Variants in MYO7B observed in about 807,000 individuals in gnomAD.
The protein encoded by MYO7B is unconventional myosin-VIIb.
In MYO7B, 212 loss-of-function variants were observed where a neutral mutation model predicts 259.7. The observed-to-expected ratio is 0.82, with a 90% confidence interval of 0.73 to 0.91. The LOEUF (loss-of-function observed/expected upper bound fraction) is 0.91. MYO7B is among the 40% of genes least tolerant of loss of function. The pLI is 0.00. For synonymous variants in MYO7B, 1,197 were observed against 1,166.4 expected (o/e 1.03, Z -0.54); for missense variants, 2,732 against 2,813.5 (o/e 0.97, Z 0.66).
In MYO7B at chr2:127,629,825, T is replaced by C. The variant is rs775389681; in HGVS notation, c.4805T>C (p.Leu1602Pro). The change falls in exon 35 of 48, where the codon CTG (leucine) becomes CCG (proline). Residue 1602 changes from leucine to proline, a missense_variant and splice_region_variant. Transcript: ENST00000409816. ...GTCACTAAGCCCTCGGCACAGCTGC[T>C]GGTAACTGGCACGCTCCCCTGTCCT... Reference protein sequence around the residue: ...PTVTKPSAQLLSLLAMSPEKR... With the variant: ...PTVTKPSAQLPSLLAMSPEKR... 2 of 1,556,718 alleles carry C rather than the reference T, an allele frequency of 1.3e-6. No individual in the cohort carries two copies. Among genetic ancestry groups the C allele is most frequent in the Admixed American group, 3.7e-5 (2 of 53,684 alleles).
intron 19 of MYO7B, among the ~76,000 whole-genome samples, chr2:127,601,292 G>A (rs988583949): frequency 1.3e-5 from 2 of 152,172 alleles, no homozygotes; most frequent in African/African-American, 4.8e-5. Context: ...CATATATTTT[G>A]CTGTTAATTC....
At chr2:127,622,370 A>G (rs575538248) in intron 28 of MYO7B, among the ~76,000 whole-genome samples, 3 of 152,246 alleles carry the variant, frequency 2.0e-5, no homozygotes, top group African/African-American at 7.2e-5. Flanking sequence ...TTAGCATTAC[A>G]GTGCGCCAGT....
intron 26 of MYO7B, 73 bp from the exon 27 acceptor site, chr2:127,620,267 T>C (rs77159371): frequency 0.12 from 180,572 of 1,530,226 alleles, 11,994 homozygotes; most frequent in Middle Eastern, 0.17. Flanking sequence ...ACAAGAGCTG[T>C]GTGCCCAGGT....
chr2:127,592,251 C>T (rs1013451390), intron 16 of MYO7B, among the ~76,000 whole-genome samples: 4 of 152,114 alleles, frequency 2.6e-5, no homozygotes, highest in African/African-American at 7.2e-5. Flanking sequence ...AAAACTTACC[C>T]GGGCGTGGTG....
intron 3 of MYO7B, 81 bp downstream of exon 3, chr2:127,564,347 T>A: frequency 8.7e-7 from 1 of 1,148,460 alleles, no homozygotes; most frequent in South Asian, 1.6e-5. Context: ...CTGTGGAGCC[T>A]CTCCCCAACA....
intron 2 of MYO7B, among the ~76,000 whole-genome samples, chr2:127,562,028 G>GGAGA (rs34222904): frequency 1.9e-4 from 29 of 151,420 alleles, no homozygotes; most frequent in South Asian, 1.7e-3. Context: ...AGAGAGAAAG[G>GGAGA]GAGAGAGAGA....
intron 3 of MYO7B, 147 bp from the exon 4 acceptor site, chr2:127,565,086 C>T: frequency 6.0e-6 from 6 of 994,540 alleles, no homozygotes; most frequent in Non-Finnish European, 8.9e-6. Context: ...TAGACTGACC[C>T]TGGCCGGAGG....
Position 127,608,862 on chromosome 2 carries a change from C to A in MYO7B, c.2798C>A (p.Ala933Asp). 6.2e-7 allele frequency: 1 copy of A among 1,612,458 alleles called. No individual in the cohort carries two copies. ...ATGATTGGGGGCCAGGAGGGCCAGG[C>A]CTCGCCGCACTTTGAGGTAACACAA... ...PAMIGGQEGQ[A>D]SPHFEDLESK... Residue 933 changes from alanine to aspartate, a missense_variant, in exon 22 of 48, where the codon GCC (alanine) becomes GAC (aspartate). By Grantham distance (126) the Ala-to-Asp change is moderately radical (BLOSUM62 -2). Transcript: ENST00000409816.
rs761740252 is a variant in MYO7B at position 127,633,364 on chromosome 2, G to T, written c.5511+1G>T. ...CTACTTCCCCAATGACACCAGTGAGGTGAGGCCCTGCTCTGGTCTGCACGG... is the reference window on the plus strand; with the variant it reads ...CTACTTCCCCAATGACACCAGTGAGTTGAGGCCCTGCTCTGGTCTGCACGG... On this transcript the variant is annotated splice_donor_variant, in intron 40 of 47. Transcript: ENST00000409816. LOFTEE classifies it high-confidence loss of function. 21 of 1,612,542 alleles carry T rather than the reference G, an allele frequency of 1.3e-5. No homozygotes were observed. The highest frequency in any genetic ancestry group is 1.8e-5 in the Non-Finnish European group (21 of 1,179,558).
chr2:127,620,505 G>C, intron 27 of MYO7B, 39 bp downstream of exon 27: 1 of 1,472,376 alleles, frequency 6.8e-7, no homozygotes, highest in Non-Finnish European at 9.2e-7. Context: ...CAGGGGGCAG[G>C]TTCTGGTGGG....
chr2:127,599,529 C>G (rs771886308), intron 19 of MYO7B, among the ~76,000 whole-genome samples: 3 of 152,010 alleles, frequency 2.0e-5, no homozygotes, highest in Non-Finnish European at 4.4e-5. Context: ...CTTCTCTTGC[C>G]TATTGCAGTA....
At chr2:127,637,255 G>A in intron 47 of MYO7B, 61 bp from the exon 48 acceptor site, 1 of 1,304,198 alleles carries the variant, frequency 7.7e-7, no homozygotes, top group Non-Finnish European at 1.1e-6. Context: ...TGGTCCCTGA[G>A]TCCAGGACCC....
rs117771518 is a variant in MYO7B, at chr2:127,620,998, C to T, written c.3525+532C>T. Among the ~76,000 whole-genome samples, 236 of 152,346 alleles carry T rather than the reference C, an allele frequency of 1.5e-3. 2 individuals carry two copies. The East Asian group carries it at 0.04, about 26-fold the overall frequency. ...TCAGAGCTAACTTCCGTTAATATTT[C>T]CTTCTGGCCTTTTGTGGTGTTACAG... is the stretch of plus-strand genomic sequence containing the variant. On this transcript the variant is annotated intron_variant, in intron 27 of 47. Coordinates refer to ENST00000409816, the MANE Select transcript of MYO7B (RefSeq NM_001393586.1).
rs1037470450 is a variant in MYO7B at position 127,624,134 on chromosome 2, C to A, written c.3861C>A (p.Ala1287=). The stretch of plus-strand genomic sequence containing the variant: ...GCGGGCGCGACCACATGATGGATGC[C>A]ATCGCCCGGTGTGAGCAGATGGCCC... The part of the protein sequence containing the change: ...LGSGRDHMMD[A]IARCEQMAQE... The change falls in exon 30 of 48, where the codon GCC becomes GCA. Residue 1287 remains alanine (A), a synonymous_variant. Coordinates refer to ENST00000409816, the MANE Select transcript of MYO7B (RefSeq NM_001393586.1). 18 of 1,590,640 alleles carry A rather than the reference C, an allele frequency of 1.1e-5. No individual in the cohort carries two copies. Among genetic ancestry groups the A allele is most frequent in the Non-Finnish European group, 1.5e-5 (18 of 1,169,466 alleles).
At chr2:127,589,170 G>C (rs1309199891) in intron 15 of MYO7B, among the ~76,000 whole-genome samples, 5 of 148,136 alleles carry the variant, frequency 3.4e-5, no homozygotes, top group African/African-American at 1.2e-4. Context: ...TGAGTGGATG[G>C]ACGGGTGGGT....
At chr2:127,630,708 G>A (rs528232363) in intron 35 of MYO7B, 70 bp from the exon 36 acceptor site, 96 of 1,590,114 alleles carry the variant, frequency 6.0e-5, no homozygotes, top group Non-Finnish European at 7.5e-5. Flanking sequence ...CTGCCAGGCC[G>A]GGAGGAGCCT....
chr2:127,631,761 G>A lies in MYO7B; in HGVS notation c.5249+8G>A. On this transcript the variant is annotated splice_region_variant and intron_variant, in intron 38 of 47. Coordinates refer to ENST00000409816, the MANE Select transcript of MYO7B (RefSeq NM_001393586.1). Reference sequence around the variant, plus strand: ...GACGCACAACTCCAACAGGTCTGCTGGGGCGGCGGCCAGCCCACGCGGGCA... The same window carrying A: ...GACGCACAACTCCAACAGGTCTGCTAGGGCGGCGGCCAGCCCACGCGGGCA... 1 of 1,611,436 alleles carries A rather than the reference G, an allele frequency of 6.2e-7. No homozygotes were observed. Among genetic ancestry groups the A allele is most frequent in the Non-Finnish European group, 8.5e-7 (1 of 1,179,212 alleles).
At chr2:127,612,950 T>C (rs1057386762) in intron 26 of MYO7B, among the ~76,000 whole-genome samples, 1 of 152,204 alleles carries the variant, frequency 6.6e-6, no homozygotes, top group African/African-American at 2.4e-5. Flanking sequence ...TGGGTTTCTA[T>C]ACCAATTAGA....
intron 42 of MYO7B, 40 bp downstream of exon 42, chr2:127,634,723 G>A (rs1573730231): frequency 6.4e-7 from 1 of 1,554,882 alleles, no homozygotes; most frequent in African/African-American, 1.4e-5. Flanking sequence ...GGCGTGGCTG[G>A]GTGGGTCGAG....
Sources: gnomAD v4.1 joint callset for allele counts (sites outside exome capture counted in the v4.1 genomes callset) on GRCh38, gnomAD v4.1.1 for gene constraint, MANE v1.5 for transcripts, NCBI Gene and HGNC (gene_info 2026-07-23, HGNC 2026-07-21) for gene names.